The following DGKB variants were observed in gnomAD, a reference collection of about 807,000 sequenced individuals.
The protein encoded by DGKB is 90 kDa diacylglycerol kinase.
In DGKB, 67 loss-of-function variants were observed where a neutral mutation model predicts 114.3. The observed-to-expected ratio is 0.59, with a 90% CI of 0.48 to 0.72. The LOEUF is 0.72. Among genes scored for constraint, DGKB ranks in the 30% least tolerant of loss-of-function variants. The pLI is 0.00. For missense variants in DGKB, 907 were observed against 975.2 expected, an observed-to-expected ratio of 0.93 and a Z score of 0.93; for synonymous variants, 398 against 323.1, an observed-to-expected ratio of 1.23 and a Z score of -2.49.
intron 6 of DGKB, among the ~76,000 whole-genome samples, chr7:14,715,254 T>G (rs1255953627): frequency 1.3e-5 from 2 of 152,094 alleles, no homozygotes; most frequent in Admixed American, 1.3e-4. Flanking sequence ...CAAAGTAAAA[T>G]TGACAGTTTA....
intron 23 of DGKB, among the ~76,000 whole-genome samples, chr7:14,194,277 G>C (rs1784718099): frequency 1.3e-5 from 2 of 152,106 alleles, no homozygotes; most frequent in Admixed American, 1.3e-4. Flanking sequence ...ATTTATAATA[G>C]CTAATATATT....
intron 24 of DGKB, among the ~76,000 whole-genome samples, chr7:14,177,749 A>C (rs1021347137): frequency 3.9e-5 from 6 of 152,148 alleles, no homozygotes; most frequent in South Asian, 4.1e-4. Flanking sequence ...TCAGTAGACT[A>C]ATATGAGTAT....
chr7:14,179,678 C>T (rs2084453472), intron 23 of DGKB, among the ~76,000 whole-genome samples: 1 of 152,060 alleles, frequency 6.6e-6, no homozygotes, highest in Non-Finnish European at 1.5e-5. Context: ...TCGTTAAGCC[C>T]AGGATCGTAG....
chr7:14,574,372 C>A lies in DGKB; in HGVS notation c.1610G>T (p.Gly537Val). The A allele has an allele frequency of 6.3e-7, 1 of 1,599,144 alleles. No homozygotes were observed. The highest frequency in any genetic ancestry group is 1.4e-5 in the African/African-American group (1 of 73,360). Residue 537 changes from glycine (G) to valine (V), a missense_variant and splice_region_variant, in exon 20 of 26, where the codon GGT becomes GTT. Coordinates refer to ENST00000402815, the MANE Select transcript of DGKB (RefSeq NM_001350709.2). The stretch of plus-strand genomic sequence containing the variant: ...TTTCATCAGATTCTCACCTTCGTAA[C>A]CTAGTGGGAAAAAAAAATACCTTGA... ...DLARCLRWGG[G>V]YEGENLMKIL...
At chr7:14,427,676 C>T (rs558483266) in intron 21 of DGKB, among the ~76,000 whole-genome samples, 1 of 152,136 alleles carries the variant, frequency 6.6e-6, no homozygotes, top group Admixed American at 6.6e-5. Flanking sequence ...CACATGGTGG[C>T]AGACAAGAGA....
chr7:14,747,188 CT>C (rs372925762), intron 4 of DGKB, among the ~76,000 whole-genome samples: 22,305 of 124,026 alleles, frequency 0.18, 2,504 homozygotes, highest in African/African-American at 0.38. Flanking sequence ...ACACAAACCT[CT>C]TTTTTTTTTT....
chr7:14,291,985 A>AT (rs1011966647), intron 23 of DGKB, among the ~76,000 whole-genome samples: 129 of 151,272 alleles, frequency 8.5e-4, no homozygotes, highest in Admixed American at 2.1e-3. Flanking sequence ...CTCCTTTTCA[A>AT]TTTTTTTTTC....
chr7:14,930,976 T>C (rs1407656023), intron 1 of DGKB, among the ~76,000 whole-genome samples: 2 of 152,216 alleles, frequency 1.3e-5, no homozygotes, highest in African/African-American at 4.8e-5. Flanking sequence ...TATGATTCTG[T>C]CCTTAATTCT....
intron 9 of DGKB, among the ~76,000 whole-genome samples, chr7:14,692,448 C>T (rs1269797074): frequency 6.6e-6 from 1 of 151,914 alleles, no homozygotes; most frequent in Non-Finnish European, 1.5e-5. Flanking sequence ...ATAAAGTATA[C>T]ATTAAACCTT....
chr7:14,649,493 A>G (rs544124522), intron 13 of DGKB, among the ~76,000 whole-genome samples: 8 of 152,026 alleles, frequency 5.3e-5, no homozygotes, highest in Non-Finnish European at 8.8e-5. Context: ...CTCCTGAAGG[A>G]AGCACTAAAC....
At chr7:14,438,281 C>T (rs555714847) in intron 21 of DGKB, among the ~76,000 whole-genome samples, 14 of 152,194 alleles carry the variant, frequency 9.2e-5, no homozygotes, top group African/African-American at 2.9e-4. Context: ...CTTAGTGAGG[C>T]TGATGGAGTC....
At chr7:14,830,171 A>AT (rs1392261345) in intron 2 of DGKB, among the ~76,000 whole-genome samples, 2 of 151,972 alleles carry the variant, frequency 1.3e-5, no homozygotes, top group African/African-American at 4.8e-5. Context: ...GTATGTGTTG[A>AT]TTTTTTTCCC....
At chr7:14,655,846 G>T (rs75283051) in intron 13 of DGKB, among the ~76,000 whole-genome samples, 4,144 of 151,652 alleles carry the variant, frequency 0.027, 180 homozygotes, top group African/African-American at 0.094. Flanking sequence ...TGAAATAAAA[G>T]GGTAGAATTG....
intron 20 of DGKB, among the ~76,000 whole-genome samples, chr7:14,515,631 TG>T (rs1402288738): frequency 2.7e-4 from 41 of 152,354 alleles, no homozygotes; most frequent in Non-Finnish European, 4.3e-4. Context: ...ACATTTTAAG[TG>T]TTCAATACCA....
chr7:14,812,623 G>T lies in DGKB; in HGVS notation c.70+28571C>A, dbSNP rs552205516. On this transcript the variant is annotated intron_variant, in intron 2 of 25. Transcript: ENST00000402815. ...TGTCTCTAGAATATTCTAAGCTACA[G>T]CTCCCAGGGTCCCAGATAAATTATC... Among the ~76,000 whole-genome samples the T allele has an allele frequency of 2.6e-5, 4 of 152,166 alleles. No homozygotes were observed. In the East Asian group the frequency reaches 5.8e-4, roughly 22 times the overall value.
intron 1 of DGKB, among the ~76,000 whole-genome samples, chr7:14,960,217 G>A (rs960358562): frequency 2.6e-5 from 4 of 152,012 alleles, no homozygotes; most frequent in African/African-American, 7.2e-5. Flanking sequence ...GAGGTGTGAC[G>A]AATGCGTTTA....
intron 1 of DGKB, among the ~76,000 whole-genome samples, chr7:14,897,894 G>T (rs1007502499): frequency 2.0e-5 from 3 of 151,904 alleles, no homozygotes; most frequent in African/African-American, 4.8e-5. Context: ...GATAGAATTA[G>T]AGCCTGTAAT....
At chr7:14,152,435 G>A (rs1196247532) in intron 25 of DGKB, among the ~76,000 whole-genome samples, 2 of 151,962 alleles carry the variant, frequency 1.3e-5, no homozygotes, top group Non-Finnish European at 2.9e-5. Flanking sequence ...AAACTGCAAT[G>A]GTTCCATGAC....
intron 1 of DGKB, among the ~76,000 whole-genome samples, chr7:14,941,700 G>A (rs1359440134): frequency 6.6e-6 from 1 of 151,916 alleles, no homozygotes; most frequent in African/African-American, 2.4e-5. Flanking sequence ...GGTAGCAAAA[G>A]GAGTCAGTTC....
Sources: gnomAD v4.1 joint callset for allele counts (sites outside exome capture counted in the v4.1 genomes callset) on GRCh38, gnomAD v4.1.1 for gene constraint, MANE v1.5 for transcripts, NCBI Gene and HGNC (gene_info 2026-07-23, HGNC 2026-07-21) for gene names.